The following GPLD1 variants were observed in gnomAD, a reference collection of about 807,000 sequenced individuals.
GPLD1 encodes glycosylphosphatidylinositol specific phospholipase D1.
A neutral mutation model predicts 112.6 loss-of-function variants in GPLD1; 84 were observed. The observed-to-expected ratio is 0.75, with a 90% confidence interval of 0.63 to 0.89. The LOEUF is 0.89. Among genes scored for constraint, GPLD1 ranks in the 40% least tolerant of loss-of-function variants. The pLI, the probability that GPLD1 is intolerant of heterozygous loss-of-function variation, is 0.00. For missense variants in GPLD1, 1,044 were observed against 1,051.5 expected (o/e 0.99, Z 0.10); for synonymous variants, 386 against 403.8 (o/e 0.96, Z 0.53).
intron 10 of GPLD1, 96 bp from the exon 11 acceptor site, chr6:24,462,891 G>A: frequency 1.1e-6 from 1 of 896,950 alleles, no homozygotes; most frequent in Non-Finnish European, 1.9e-6. Flanking sequence ...ATCTCCCAAA[G>A]GCTTAAAGTG....
In GPLD1 at chr6:24,462,888, A is replaced by G; in HGVS notation, c.822-93T>C. Reference sequence around the variant, plus strand: ...CGGTAGTGCGCTTCAATCATCTCCCAAAGGCTTAAAGTGTTTATTACCTAG... The same window carrying G: ...CGGTAGTGCGCTTCAATCATCTCCCGAAGGCTTAAAGTGTTTATTACCTAG... On this transcript the variant is annotated intron_variant, in intron 10 of 24. Transcript: ENST00000230036. The G allele has an allele frequency of 2.2e-6, 2 of 905,094 alleles. 1 individual carries two copies. The highest frequency in any genetic ancestry group is 2.7e-5 in the South Asian group (2 of 74,204). The allele number at this position is 905,094 out of a possible 1,614,324, so 56.1% of individuals were successfully genotyped here.
intron 14 of GPLD1, 41 bp from the exon 15 acceptor site, chr6:24,449,940 G>GCCT (rs5874981): frequency 0.28 from 393,533 of 1,409,930 alleles, 63,280 homozygotes; most frequent in East Asian, 0.59. Context: ...CTGAGCCACG[G>GCCT]CCTCGGAAAG....
intron 12 of GPLD1, among the ~76,000 whole-genome samples, chr6:24,458,574 C>A (rs1484900930): frequency 2.0e-5 from 3 of 152,256 alleles, no homozygotes; most frequent in Middle Eastern, 3.4e-3. Context: ...AAACATGCAG[C>A]CTTTTGTTAA....
chr6:24,443,087 A>G lies in GPLD1; in HGVS notation c.2020+2459T>C, dbSNP rs143659194. Reference sequence around the variant, plus strand: ...AAAAATGATTCTGTGGCTGACTGCTATGGTTACTACTTGAGACCGTCATCA... The same window carrying G: ...AAAAATGATTCTGTGGCTGACTGCTGTGGTTACTACTTGAGACCGTCATCA... On this transcript the variant is annotated intron_variant, in intron 20 of 24. Transcript: ENST00000230036. Among the ~76,000 whole-genome samples the G allele has an allele frequency of 5.6e-3, 856 of 152,308 alleles. 10 individuals are homozygous for G. The highest frequency in any genetic ancestry group is 0.018 in the African/African-American group (764 of 41,574).
intron 3 of GPLD1, among the ~76,000 whole-genome samples, chr6:24,476,709 A>G (rs1310279779): frequency 1.3e-5 from 2 of 152,216 alleles, no homozygotes; most frequent in Non-Finnish European, 2.9e-5. Context: ...ATAAAAGCAG[A>G]TATTTCATAT....
intron 13 of GPLD1, among the ~76,000 whole-genome samples, chr6:24,455,154 CAG>C (rs1763227770): frequency 6.6e-6 from 1 of 152,220 alleles, no homozygotes; most frequent in African/African-American, 2.4e-5. Flanking sequence ...GTGGGAGGGA[CAG>C]ACACTCCAGT....
upstream of GPLD1, among the ~76,000 whole-genome samples, chr6:24,491,371 T>C (rs373413822): frequency 2.0e-5 from 3 of 152,078 alleles, no homozygotes; most frequent in African/African-American, 7.2e-5. Context: ...TCTAACCATA[T>C]ATAATACAAC....
At chr6:24,486,582 C>A (rs757029297) in intron 1 of GPLD1, among the ~76,000 whole-genome samples, 1 of 152,058 alleles carries the variant, frequency 6.6e-6, no homozygotes, top group Admixed American at 6.6e-5. Context: ...TTTGGGAGGC[C>A]GAGGAGGGCG....
At chr6:24,450,899 G>A (rs1263587815) in intron 14 of GPLD1, among the ~76,000 whole-genome samples, 1 of 152,094 alleles carries the variant, frequency 6.6e-6, no homozygotes, top group East Asian at 1.9e-4. Flanking sequence ...TTGAACCTGG[G>A]AGGCAGAGGT....
chr6:24,458,026 C>T (rs1363119287), intron 12 of GPLD1, among the ~76,000 whole-genome samples: 2 of 151,760 alleles, frequency 1.3e-5, no homozygotes, highest in Non-Finnish European at 1.5e-5. Flanking sequence ...GATGCTGAAT[C>T]GTTCTTAATG....
chr6:24,467,094 A>G lies in GPLD1; in HGVS notation c.653+73T>C, dbSNP rs1763643585. The G allele has an allele frequency of 8.8e-6, 10 of 1,142,042 alleles. No individual in the cohort carries two copies. In the South Asian group the frequency reaches 1.1e-4, roughly 13 times the overall value. 70.7% of individuals were successfully genotyped at this position (1,142,042 alleles called of 1,614,324 possible). A position where few individuals can be genotyped will look rare whatever the true frequency, so the allele number is the denominator to read the frequency against. ...TAAATCCAAAATCCAGTCTCAGGAA[A>G]CAAAAACATAAAAACTGTGCAAAGG... On this transcript the variant is annotated intron_variant, in intron 8 of 24. Coordinates refer to ENST00000230036, the MANE Select transcript of GPLD1 (RefSeq NM_001503.4).
Position 24,445,711 on chromosome 6 carries a change from G to A in GPLD1, c.1926+15C>T, listed in dbSNP as rs1762888990. 1 of 1,604,190 alleles carries A rather than the reference G, an allele frequency of 6.2e-7. No homozygotes were observed. Among genetic ancestry groups the A allele is most frequent in the Non-Finnish European group, 8.5e-7 (1 of 1,171,034 alleles). ...TGGAGTGTCCACTCTCCTGTGTGGG[G>A]AGGGCTTGTCATACCTTGTCTCCAG... On this transcript the variant is annotated intron_variant, in intron 19 of 24. Transcript: ENST00000230036.
At chr6:24,457,164 C>T (rs1189896185) in intron 12 of GPLD1, among the ~76,000 whole-genome samples, 2 of 152,204 alleles carry the variant, frequency 1.3e-5, no homozygotes, top group Admixed American at 6.5e-5. Context: ...AGCCACCATG[C>T]CCAGGGGACT....
Position 24,445,541 on chromosome 6 carries a change from C to T in GPLD1, c.2020+5G>A, listed in dbSNP as rs765375135. On this transcript the variant is annotated splice_donor_5th_base_variant and intron_variant, in intron 20 of 24. Transcript: ENST00000230036. The stretch of plus-strand genomic sequence containing the variant: ...GGAAGCACAGTTTCACAGTGTGTGA[C>T]CTACCGTACGTAGGGGCTCCAACCA... The T allele has an allele frequency of 6.2e-7, 1 of 1,601,914 alleles. No homozygotes were observed. The highest frequency in any genetic ancestry group is 2.2e-5 in the East Asian group (1 of 44,820).
intron 14 of GPLD1, among the ~76,000 whole-genome samples, chr6:24,450,383 C>T (rs1366409889): frequency 6.6e-6 from 1 of 152,044 alleles, no homozygotes; most frequent in Non-Finnish European, 1.5e-5. Flanking sequence ...TGCCTGTAAT[C>T]CCAGCTACTC....
intron 3 of GPLD1, among the ~76,000 whole-genome samples, chr6:24,477,385 TA>T (rs1325270118): frequency 1.3e-5 from 2 of 151,136 alleles, no homozygotes; most frequent in African/African-American, 4.9e-5. Context: ...CTTGTTACTG[TA>T]ATTACAAAGG....
In GPLD1 at chr6:24,462,753, G is replaced by T. The variant is rs147826364; in HGVS notation, c.864C>A (p.Gly288=). The part of the protein sequence containing the change: ...LPENPLFIAC[G]GQQNHTQGSK... Reference sequence around the variant, plus strand: ...ACCCCTGGGTGTGGTTTTGCTGGCCGCCACATGCAATGAACAGAGGGTTCT... The same window carrying T: ...ACCCCTGGGTGTGGTTTTGCTGGCCTCCACATGCAATGAACAGAGGGTTCT... The change falls in exon 11 of 25, where the codon GGC becomes GGA. Residue 288 remains glycine, a synonymous_variant. Coordinates refer to ENST00000230036, the MANE Select transcript of GPLD1 (RefSeq NM_001503.4). The T allele has an allele frequency of 6.2e-7, 1 of 1,612,920 alleles. No individual in the cohort carries two copies. The highest frequency in any genetic ancestry group is 8.5e-7 in the Non-Finnish European group (1 of 1,178,968).
At chr6:24,467,138 C>T (rs6928435) in intron 8 of GPLD1, 29 bp downstream of exon 8, 189,363 of 1,299,236 alleles carry the variant, frequency 0.15, 18,685 homozygotes, top group African/African-American at 0.46. Flanking sequence ...ACAAAATCAG[C>T]TGCAAATTGT....
In GPLD1 at chr6:24,446,919, A is replaced by C. The variant is rs765457667; in HGVS notation, c.1739T>G (p.Phe580Cys). 2 of 1,613,820 alleles carry C rather than the reference A, an allele frequency of 1.2e-6. No homozygotes were observed. The highest frequency in any genetic ancestry group is 1.3e-5 in the African/African-American group (1 of 74,894). The change falls in exon 18 of 25, where the codon TTT becomes TGT. Residue 580 changes from phenylalanine to cysteine, a missense_variant. Coordinates refer to ENST00000230036, the MANE Select transcript of GPLD1 (RefSeq NM_001503.4). ...AGTGACACCGTGAAGGGAATATCCA[A>C]ACCAGGAGAAGTCTTCCTCGCCTCT... Reference protein sequence around the residue: ...TVRGEEDFSWFGYSLHGVTVD... With the variant: ...TVRGEEDFSWCGYSLHGVTVD...
Sources: allele counts gnomAD v4.1 joint callset (sites outside exome capture counted in the v4.1 genomes callset), GRCh38; gene constraint gnomAD v4.1.1; transcripts MANE v1.5; gene names NCBI Gene and HGNC (gene_info 2026-07-23, HGNC 2026-07-21).